The following CACHD1 variants were observed in gnomAD, a reference collection of about 807,000 sequenced individuals.
CACHD1 encodes the protein cache domain containing 1, also known as VWFA and cache domain-containing protein 1.
A neutral mutation model predicts 138.7 loss-of-function variants in CACHD1; 71 were observed. The observed-to-expected ratio is 0.51, with a 90% confidence interval of 0.42 to 0.62. CACHD1 has a LOEUF of 0.62. Ranked by LOEUF, CACHD1 falls within the 20% of genes least tolerant of loss-of-function variation. CACHD1 has a pLI of 0.00. For synonymous variants in CACHD1, 578 were observed against 591.5 expected, an observed-to-expected ratio of 0.98 and a Z score of 0.33; for missense variants, 1,389 against 1,625.3, an observed-to-expected ratio of 0.85 and a Z score of 2.50.
intron 2 of CACHD1, among the ~76,000 whole-genome samples, chr1:64,553,000 C>A (rs981735865): frequency 4.7e-5 from 7 of 149,846 alleles, no homozygotes; most frequent in Non-Finnish European, 8.9e-5. Context: ...CCACTCCATC[C>A]TCTGGAAGAA....
intron 1 of CACHD1, among the ~76,000 whole-genome samples, chr1:64,483,397 A>G (rs1210054652): frequency 1.3e-5 from 2 of 152,106 alleles, no homozygotes; most frequent in Non-Finnish European, 2.9e-5. Flanking sequence ...CTTGGATTTG[A>G]GTTTATGTTG....
In CACHD1 at chr1:64,619,678, C is replaced by T. The variant is rs530642177; in HGVS notation, c.518-9677C>T. On this transcript the variant is annotated intron_variant, in intron 4 of 26. Transcript: ENST00000651257. Reference sequence around the variant, plus strand: ...CATCTGTATTCTAACTGCTGCATGCCAAGAATCTTCCCTTGGTTTAGTAGA... The same window carrying T: ...CATCTGTATTCTAACTGCTGCATGCTAAGAATCTTCCCTTGGTTTAGTAGA... Among the ~76,000 whole-genome samples the T allele has an allele frequency of 2.0e-5, 3 of 152,182 alleles. No individual in the cohort carries two copies. In the South Asian group the frequency reaches 6.2e-4, roughly 32 times the overall value.
chr1:64,624,453 T>C (rs1648029961), intron 4 of CACHD1, among the ~76,000 whole-genome samples: 1 of 152,196 alleles, frequency 6.6e-6, no homozygotes, highest in Admixed American at 6.5e-5. Context: ...AGGCAATGTT[T>C]GCCTTTTTAT....
Position 64,658,890 on chromosome 1 carries a change from TC to T in CACHD1, c.1951+19del. The T allele has an allele frequency of 6.5e-7, 1 of 1,531,266 alleles. No individual in the cohort carries two copies. The highest frequency in any genetic ancestry group is 8.8e-7 in the Non-Finnish European group (1 of 1,137,974). 94.9% of individuals were successfully genotyped at this position (1,531,266 alleles called of 1,614,324 possible). ...CAACCCTAGGTAAAGCCCTTACACT[TC>T]CTTCACATTCTTACTCTTAGCAGCT... On this transcript the variant is annotated intron_variant, in intron 13 of 26. Coordinates refer to ENST00000651257, the MANE Select transcript of CACHD1 (RefSeq NM_020925.4).
At chr1:64,546,592 C>T (rs1227694716) in intron 1 of CACHD1, among the ~76,000 whole-genome samples, 1 of 152,116 alleles carries the variant, frequency 6.6e-6, no homozygotes, top group African/African-American at 2.4e-5. Flanking sequence ...GCCTCAGCCC[C>T]CCAAAATTCT....
intron 1 of CACHD1, among the ~76,000 whole-genome samples, chr1:64,501,016 T>A (rs1646336725): frequency 6.7e-6 from 1 of 148,684 alleles, no homozygotes; most frequent in Non-Finnish European, 1.5e-5. Flanking sequence ...ACCATTGCAC[T>A]CCAGCTGGGT....
intron 9 of CACHD1, among the ~76,000 whole-genome samples, chr1:64,650,752 G>A (rs972535176): frequency 3.3e-5 from 5 of 152,168 alleles, no homozygotes; most frequent in Non-Finnish European, 7.4e-5. Context: ...GTTTCTAGAA[G>A]AATGGCTTTC....
chr1:64,571,854 T>C (rs182608211), intron 2 of CACHD1, among the ~76,000 whole-genome samples: 12 of 152,312 alleles, frequency 7.9e-5, no homozygotes, highest in Admixed American at 4.6e-4. Flanking sequence ...ATTATTTGCA[T>C]TGGGTCTGGA....
intron 2 of CACHD1, among the ~76,000 whole-genome samples, chr1:64,566,200 A>G (rs1204983023): frequency 6.6e-6 from 1 of 152,136 alleles, no homozygotes; most frequent in African/African-American, 2.4e-5. Flanking sequence ...TCTTTCCCTA[A>G]TAGAATAGAA....
rs1648421639 is a variant in CACHD1, at chr1:64,634,209, A to C, written c.955A>C (p.Lys319Gln). ...SPTQHAVGFQKAFQLIRSTNN... is the reference protein window; with the variant it reads ...SPTQHAVGFQQAFQLIRSTNN... ...TACCCAGCACGCAGTGGGATTCCAA[A>C]AGGCATTTCAGCTGATTCGAAGTAC... The change falls in exon 7 of 27, where the codon AAG becomes CAG. Residue 319 changes from lysine to glutamine, a missense_variant. Physicochemically the swap from Lys to Gln is moderately conservative, Grantham distance 53 (BLOSUM62 1). This residue lies in a region of CACHD1 where 1,000 missense variants were observed against 1,114.7 expected (regional missense o/e 0.90). Transcript: ENST00000651257. 11 of 1,613,804 alleles carry C rather than the reference A, an allele frequency of 6.8e-6. No individual in the cohort carries two copies. The highest frequency in any genetic ancestry group is 9.3e-6 in the Non-Finnish European group (11 of 1,179,996).
intron 15 of CACHD1, 127 bp from the exon 16 acceptor site, chr1:64,665,930 A>T: frequency 4.3e-6 from 2 of 461,722 alleles, no homozygotes; most frequent in Non-Finnish European, 7.7e-6. Flanking sequence ...GCGTGAACCC[A>T]GGAGGCGGAG....
intron 2 of CACHD1, among the ~76,000 whole-genome samples, chr1:64,556,951 C>T (rs1646802931): frequency 6.6e-6 from 1 of 152,062 alleles, no homozygotes; most frequent in African/African-American, 2.4e-5. Context: ...ACCCCCGTCT[C>T]TACTAAAAAT....
intron 13 of CACHD1, among the ~76,000 whole-genome samples, chr1:64,663,450 C>A (rs1649514183): frequency 6.6e-6 from 1 of 150,626 alleles, no homozygotes; most frequent in African/African-American, 2.4e-5. Context: ...ACTGGGGAGG[C>A]TGAGGCAGGA....
chr1:64,559,223 T>C (rs1447098726), intron 2 of CACHD1, among the ~76,000 whole-genome samples: 1 of 152,228 alleles, frequency 6.6e-6, no homozygotes, highest in African/African-American at 2.4e-5. Flanking sequence ...CTGTTCACGA[T>C]AGCAAAGACT....
intron 4 of CACHD1, among the ~76,000 whole-genome samples, chr1:64,608,678 T>G (rs1171228838): frequency 2.0e-5 from 3 of 152,232 alleles, no homozygotes; most frequent in Admixed American, 1.3e-4. Flanking sequence ...TAACTAAAGT[T>G]TGACAGTGCA....
At position 64,470,504 on chromosome 1, in the gene CACHD1, C is replaced by T. The variant is rs1251704278; in HGVS notation, c.-241C>T. On this transcript the variant is annotated 5_prime_UTR_variant, in exon 1 of 27. Transcript: ENST00000651257. This position sits in a 1 kb window ranked among gnomAD's most constrained non-coding sequence, Gnocchi z 5.2. ...CCGTGTGGGCGCCGGGCTCCGGGGA[C>T]CGCTCGGGCGGCCGCCTCCTACCCC... 1.7e-4 allele frequency among the ~76,000 whole-genome samples: 26 copies of T among 151,248 alleles called. No individual in the cohort carries two copies. Among genetic ancestry groups the T allele is most frequent in the Non-Finnish European group, 4.4e-5 (3 of 67,726 alleles).
intron 26 of CACHD1, among the ~76,000 whole-genome samples, chr1:64,689,918 A>G (rs1225379302): frequency 6.6e-6 from 1 of 152,174 alleles, no homozygotes; most frequent in African/African-American, 2.4e-5. Flanking sequence ...AGCACTTACC[A>G]TTATCTGTGT....
intron 5 of CACHD1, among the ~76,000 whole-genome samples, chr1:64,631,463 T>C (rs1429914118): frequency 6.6e-6 from 1 of 152,144 alleles, no homozygotes; most frequent in Non-Finnish European, 1.5e-5. Context: ...GAACAACTAG[T>C]GTAAATTTGG....
chr1:64,612,080 A>G (rs1297073209), intron 4 of CACHD1, among the ~76,000 whole-genome samples: 5 of 152,192 alleles, frequency 3.3e-5, no homozygotes, highest in Non-Finnish European at 7.3e-5. Context: ...AGAACTCACT[A>G]TCATGAGAAT....
Sources: gnomAD v4.1 joint callset for allele counts (sites outside exome capture counted in the v4.1 genomes callset) on GRCh38, gnomAD v4.1.1 for gene constraint, gnomAD v4.1.1 regional missense constraint, Gnocchi (gnomAD v3.1) non-coding constraint, MANE v1.5 for transcripts, NCBI Gene and HGNC (gene_info 2026-07-23, HGNC 2026-07-21) for gene names.